The following PRDM6 variants were observed in gnomAD, a reference collection of about 807,000 sequenced individuals.
PRDM6 encodes the protein PR/SET domain 6.
In PRDM6, 25 loss-of-function variants were observed where a neutral mutation model predicts 60.8. The ratio of observed to expected loss-of-function variants is 0.41; its 90% confidence interval spans 0.30 to 0.57. The LOEUF is 0.57. PRDM6 is among the 20% of genes least tolerant of loss of function. PRDM6 has a pLI of 0.27. For missense variants in PRDM6, 839 were observed against 821.3 expected, an observed-to-expected ratio of 1.02 and a Z score of -0.26; for synonymous variants, 407 against 357.4, an observed-to-expected ratio of 1.14 and a Z score of -1.57.
chr5:123,178,351 A>T (rs1038938960), intron 6 of PRDM6, among the ~76,000 whole-genome samples: 5 of 152,226 alleles, frequency 3.3e-5, no homozygotes, highest in African/African-American at 1.2e-4. Flanking sequence ...ATATTAATAT[A>T]TTATTTTGTT....
chr5:123,158,906 C>T (rs935108795), intron 4 of PRDM6, among the ~76,000 whole-genome samples: 8 of 152,046 alleles, frequency 5.3e-5, no homozygotes, highest in African/African-American at 1.9e-4. Context: ...TGTATCGTTT[C>T]AGAGTGTAAT....
intron 3 of PRDM6, among the ~76,000 whole-genome samples, chr5:123,134,980 A>G (rs1474631703): frequency 7.3e-6 from 1 of 136,256 alleles, no homozygotes; most frequent in Non-Finnish European, 1.6e-5. Flanking sequence ...ATGCATTAAA[A>G]AGAGCAAAAG....
Position 123,090,032 on chromosome 5 carries a change from C to G in PRDM6, c.18C>G (p.Asp6Glu). 1 of 1,547,968 alleles carries G rather than the reference C, an allele frequency of 6.5e-7. No homozygotes were observed. The highest frequency in any genetic ancestry group is 8.7e-7 in the Non-Finnish European group (1 of 1,145,848). MLKPG[D>E]PGGSAFLKVD... ...CGCCGGACATGCTGAAGCCCGGAGACCCCGGCGGTTCGGCCTTCCTCAAAG... is the reference window on the plus strand; with the variant it reads ...CGCCGGACATGCTGAAGCCCGGAGAGCCCGGCGGTTCGGCCTTCCTCAAAG... The change falls in exon 2 of 8, where the codon GAC becomes GAG. Residue 6 changes from aspartate to glutamate, a missense_variant. Physicochemically the swap from Asp to Glu is conservative, Grantham distance 45. Transcript: ENST00000407847.
intron 3 of PRDM6, among the ~76,000 whole-genome samples, chr5:123,116,060 G>A (rs1481700806): frequency 2.6e-5 from 4 of 152,198 alleles, no homozygotes; most frequent in Middle Eastern, 6.8e-3. Context: ...CTGTTTTGTT[G>A]CTGTGCCCTC....
chr5:123,127,762 T>TCTTTC, intron 3 of PRDM6, among the ~76,000 whole-genome samples: 2 of 151,830 alleles, frequency 1.3e-5, no homozygotes, highest in East Asian at 1.9e-4. Context: ...TTCTTTCCTT[T>TCTTTC]CTTTCTTTCT....
At chr5:123,138,481 G>A (rs936359231) in intron 3 of PRDM6, among the ~76,000 whole-genome samples, 1 of 152,194 alleles carries the variant, frequency 6.6e-6, no homozygotes, top group East Asian at 1.9e-4. Context: ...GTACACAAAG[G>A]TAAAACCTAT....
chr5:123,116,937 G>C (rs1042475876), intron 3 of PRDM6, among the ~76,000 whole-genome samples: 2 of 152,168 alleles, frequency 1.3e-5, no homozygotes, highest in Non-Finnish European at 2.9e-5. Flanking sequence ...TAATAACTCT[G>C]TCTCCCAGCC....
intron 3 of PRDM6, among the ~76,000 whole-genome samples, chr5:123,142,877 CAAAAAAAAAAAAAA>C: frequency 3.7e-5 from 1 of 27,368 alleles, no homozygotes. Context: ...CAGTGAAGAC[CAAAAAAAAAAAAAA>C]AAAAAAAAAA....
chr5:123,117,281 G>C (rs939338106), intron 3 of PRDM6, among the ~76,000 whole-genome samples: 1 of 152,118 alleles, frequency 6.6e-6, no homozygotes, highest in Non-Finnish European at 1.5e-5. Flanking sequence ...GTGGGGCCTG[G>C]GGAAAAAGGC....
At chr5:123,125,120 C>T (rs1444300861) in intron 3 of PRDM6, among the ~76,000 whole-genome samples, 1 of 136,972 alleles carries the variant, frequency 7.3e-6, no homozygotes, top group African/African-American at 2.7e-5. Flanking sequence ...TAGTACCTTG[C>T]TCAATTTGTA....
intron 3 of PRDM6, among the ~76,000 whole-genome samples, chr5:123,130,588 G>C (rs66501867): frequency 0.19 from 28,832 of 149,290 alleles, 2,914 homozygotes; most frequent in African/African-American, 0.22. Context: ...TTTTGAGACA[G>C]AGTTTCTTTC....
Position 123,177,032 on chromosome 5 carries a change from T to C in PRDM6, c.1497-3115T>C, listed in dbSNP as rs190691013. Among the ~76,000 whole-genome samples, 4 of 152,318 alleles carry C rather than the reference T, an allele frequency of 2.6e-5. No individual in the cohort carries two copies. The East Asian group carries it at 7.7e-4, about 29-fold the overall frequency. ...TGGAGTTAGGATGTGCTAATTGAAA[T>C]GGGCAAACATAGTCTTAACTCCTGT... On this transcript the variant is annotated intron_variant, in intron 6 of 7. Coordinates refer to ENST00000407847, the MANE Select transcript of PRDM6 (RefSeq NM_001136239.4).
chr5:123,134,852 C>T (rs536449113), intron 3 of PRDM6, among the ~76,000 whole-genome samples: 2 of 152,250 alleles, frequency 1.3e-5, no homozygotes, highest in East Asian at 3.9e-4. Flanking sequence ...TAGAATGTTA[C>T]CTAAGACATC....
chr5:123,177,713 G>A (rs1766049256), intron 6 of PRDM6, among the ~76,000 whole-genome samples: 1 of 152,148 alleles, frequency 6.6e-6, no homozygotes, highest in African/African-American at 2.4e-5. Flanking sequence ...TTGGGAGGCA[G>A]TGTATTGTAC....
intron 2 of PRDM6, among the ~76,000 whole-genome samples, chr5:123,093,273 G>A (rs540934819): frequency 6.6e-6 from 1 of 152,238 alleles, no homozygotes; most frequent in Admixed American, 6.5e-5. Context: ...GCGGGATGCG[G>A]GGGTGCCTCC....
chr5:123,174,098 T>C (rs1765953745), intron 6 of PRDM6, among the ~76,000 whole-genome samples: 1 of 152,204 alleles, frequency 6.6e-6, no homozygotes, highest in Admixed American at 6.5e-5. Flanking sequence ...TTGGGTTGTT[T>C]TGGATTTGGG....
chr5:123,120,978 AC>A (rs1272327650), intron 3 of PRDM6, among the ~76,000 whole-genome samples: 1 of 152,098 alleles, frequency 6.6e-6, no homozygotes, highest in Non-Finnish European at 1.5e-5. Context: ...TAAATGTGGG[AC>A]CTTTTTCCTT....
intron 7 of PRDM6, 86 bp from the exon 8 acceptor site, chr5:123,187,001 C>G: frequency 1.0e-6 from 1 of 986,594 alleles, no homozygotes; most frequent in African/African-American, 1.6e-5. Flanking sequence ...TTTGGAGTGT[C>G]TGTTCTGATT....
Position 123,099,982 on chromosome 5 carries a change from C to A in PRDM6, c.900+21C>A. ...GGGAGGTAAGTGGCCGGCTGCACAG[C>A]GCCTCCCCACCGAGCAGGAGCCTTG... On this transcript the variant is annotated intron_variant, in intron 3 of 7. Coordinates refer to ENST00000407847, the MANE Select transcript of PRDM6 (RefSeq NM_001136239.4). This position sits in a 1 kb window ranked among gnomAD's most constrained non-coding sequence, Gnocchi z 4.0. The A allele has an allele frequency of 6.8e-7, 1 of 1,480,574 alleles. No individual in the cohort carries two copies. 91.7% of individuals were successfully genotyped at this position (1,480,574 alleles called of 1,614,324 possible).
Sources: gnomAD v4.1 joint callset for allele counts (sites outside exome capture counted in the v4.1 genomes callset) on GRCh38, gnomAD v4.1.1 for gene constraint, Gnocchi (gnomAD v3.1) non-coding constraint, MANE v1.5 for transcripts, NCBI Gene and HGNC (gene_info 2026-07-23, HGNC 2026-07-21) for gene names.